CACNA1C: variants seen among roughly 807,000 people sequenced by gnomAD.
The protein encoded by CACNA1C is voltage-dependent L-type calcium channel subunit alpha-1C.
CACNA1C carries 30 observed loss-of-function variants against 229.0 expected under a neutral mutation model. The observed-to-expected ratio is 0.13, with a 90% CI of 0.10 to 0.18. CACNA1C has a LOEUF of 0.18. Among genes scored for constraint, CACNA1C ranks in the 10% least tolerant of loss-of-function variants. The pLI is 1.00. For synonymous variants in CACNA1C, 1,114 were observed against 1,132.5 expected (o/e 0.98, Z 0.33); for missense variants, 1,658 against 2,845.0 (o/e 0.58, Z 9.49).
chr12:2,043,642 CTTTTTTTT>C (rs67625680), intron 1 of CACNA1C, among the ~76,000 whole-genome samples: 1 of 91,382 alleles, frequency 1.1e-5, no homozygotes, highest in Non-Finnish European at 2.0e-5. Flanking sequence ...ACAGAATATT[CTTTTTTTT>C]TTTTTTTTTT....
chr12:2,393,333 C>A (rs1235508325), intron 3 of CACNA1C, among the ~76,000 whole-genome samples: 2 of 152,208 alleles, frequency 1.3e-5, no homozygotes, highest in East Asian at 3.9e-4. Flanking sequence ...TAGCTCTAGG[C>A]CTGGACCATG....
At chr12:2,160,940 G>C (rs2095824009) in intron 3 of CACNA1C, among the ~76,000 whole-genome samples, 2 of 152,216 alleles carry the variant, frequency 1.3e-5, no homozygotes, top group South Asian at 4.1e-4. Context: ...TCCTGCCTCA[G>C]CCTCCTGAGT....
intron 9 of CACNA1C, among the ~76,000 whole-genome samples, chr12:2,530,865 C>T (rs965048758): frequency 5.3e-5 from 8 of 152,210 alleles, no homozygotes; most frequent in Middle Eastern, 3.2e-3. Context: ...AGAGGGAACA[C>T]GGCTAACTGT....
At chr12:2,159,636 C>T (rs2095742133) in intron 3 of CACNA1C, among the ~76,000 whole-genome samples, 1 of 141,306 alleles carries the variant, frequency 7.1e-6, no homozygotes, top group Admixed American at 7.3e-5. Context: ...GGGAGTTTCG[C>T]TCTCATTGCC....
In CACNA1C at chr12:2,403,317, G is replaced by A. The variant is rs752852243; in HGVS notation, c.478-45659G>A. 2.6e-5 allele frequency among the ~76,000 whole-genome samples: 4 copies of A among 152,192 alleles called. No homozygotes were observed. Among genetic ancestry groups the A allele is most frequent in the Admixed American group, 6.5e-5 (1 of 15,268 alleles). On this transcript the variant is annotated intron_variant, in intron 3 of 46. Transcript: ENST00000399655. This position sits in a 1 kb window ranked among gnomAD's most constrained non-coding sequence, Gnocchi z 4.1. The stretch of plus-strand genomic sequence containing the variant: ...GCCACACAGCTGACTAGCTGCTTGT[G>A]TCATTGGACGAGTGACTTCCCCTCT...
chr12:2,256,210 C>G (rs1486596798), intron 3 of CACNA1C, among the ~76,000 whole-genome samples: 8 of 152,042 alleles, frequency 5.3e-5, no homozygotes, highest in Non-Finnish European at 1.0e-4. Flanking sequence ...AGGCTAAGCC[C>G]AGGAATCTAC....
chr12:2,565,391 C>CCGG (rs1465942149), intron 11 of CACNA1C, among the ~76,000 whole-genome samples: 3 of 151,054 alleles, frequency 2.0e-5, no homozygotes, highest in Non-Finnish European at 4.4e-5. Context: ...GGCGTGAACC[C>CCGG]GGGAAGCGGA....
At chr12:2,112,812 A>G (rs2082287827) in intron 1 of CACNA1C, among the ~76,000 whole-genome samples, 1 of 152,202 alleles carries the variant, frequency 6.6e-6, no homozygotes, top group Admixed American at 6.5e-5. Flanking sequence ...TCCCTTAAGT[A>G]TATAGCATTG....
chr12:2,375,380 G>T (rs1201533778), intron 3 of CACNA1C, among the ~76,000 whole-genome samples: 1 of 152,208 alleles, frequency 6.6e-6, no homozygotes, highest in African/African-American at 2.4e-5. Context: ...AGCAGAACAG[G>T]CCTGGCATGA....
chr12:2,197,257 T>C (rs1484607964), intron 3 of CACNA1C, among the ~76,000 whole-genome samples: 1 of 152,218 alleles, frequency 6.6e-6, no homozygotes, highest in Non-Finnish European at 1.5e-5. Flanking sequence ...TTTTCCCTGT[T>C]ACAGTGTGTA....
intron 3 of CACNA1C, among the ~76,000 whole-genome samples, chr12:2,265,394 C>T (rs1054474858): frequency 6.6e-6 from 1 of 152,214 alleles, no homozygotes; most frequent in Non-Finnish European, 1.5e-5. Flanking sequence ...GATGCTTCAT[C>T]CCAAGGCTAA....
At chr12:2,202,620 T>G (rs1489856807) in intron 3 of CACNA1C, among the ~76,000 whole-genome samples, 1 of 152,212 alleles carries the variant, frequency 6.6e-6, no homozygotes, top group Non-Finnish European at 1.5e-5. Context: ...GTGGTGCCTC[T>G]TCTGCCCCTT....
At chr12:2,420,102 G>GGTGT (rs564990323) in intron 3 of CACNA1C, among the ~76,000 whole-genome samples, 3,825 of 125,456 alleles carry the variant, frequency 0.03, 201 homozygotes, top group African/African-American at 0.09. Flanking sequence ...TAGGCAAAAT[G>GGTGT]GTGTGTGTGT....
At chr12:2,533,153 G>A (rs1187581281) in intron 9 of CACNA1C, among the ~76,000 whole-genome samples, 1 of 152,192 alleles carries the variant, frequency 6.6e-6, no homozygotes, top group Non-Finnish European at 1.5e-5. Flanking sequence ...TAATGAGAGT[G>A]ACAGAGGCAG....
Position 2,154,505 on chromosome 12 carries a change from C to T in CACNA1C, c.477+34075C>T, listed in dbSNP as rs561734986. ...GGAGCAATGAGGGAGACTCCTCACC[C>T]GGGGCCAGCAGTGGGTCAGGGAAGA... On this transcript the variant is annotated intron_variant, in intron 3 of 46. Transcript: ENST00000399655. Among the ~76,000 whole-genome samples, 59 of 152,286 alleles carry T rather than the reference C, an allele frequency of 3.9e-4. 1 individual carries two copies. The highest frequency in any genetic ancestry group is 1.4e-3 in the Admixed American group (22 of 15,306).
chr12:2,108,392 G>GATCACACC lies in CACNA1C; in HGVS notation c.50-6831_50-6824dup, dbSNP rs2080114449. Among the ~76,000 whole-genome samples the GATCACACC allele has an allele frequency of 6.6e-6, 1 of 152,224 alleles. No individual in the cohort carries two copies. The highest frequency in any genetic ancestry group is 6.5e-5 in the Admixed American group (1 of 15,288). On this transcript the variant is annotated intron_variant, in intron 1 of 46. Transcript: ENST00000399655. The surrounding 1 kb of genome is among the most constrained non-coding windows in gnomAD (Gnocchi z 5.3). ...CCACTGTGCCAAGGGCTGGCTCTGGGATCACACCGCCTTATGCATGATCCA... is the reference window on the plus strand; with the variant it reads ...CCACTGTGCCAAGGGCTGGCTCTGGGATCACACCATCACACCGCCTTATGCATGATCCA...
At chr12:2,307,891 G>A (rs993677602) in intron 3 of CACNA1C, among the ~76,000 whole-genome samples, 2 of 152,146 alleles carry the variant, frequency 1.3e-5, no homozygotes, top group African/African-American at 4.8e-5. Flanking sequence ...GAGCCACAGA[G>A]GCTACTCTTC....
intron 9 of CACNA1C, among the ~76,000 whole-genome samples, chr12:2,539,884 A>T (rs1272880369): frequency 6.6e-6 from 1 of 151,792 alleles, no homozygotes; most frequent in African/African-American, 2.4e-5. Context: ...ATAAAGATGC[A>T]GGCAGGGTTT....
chr12:1,970,926 G>A (rs1029741656), exon 1 of CACNA1C: 2 of 370,486 alleles, frequency 5.4e-6, no homozygotes, highest in South Asian at 2.4e-5. Context: ...GATACGATAC[G>A]GCCATGTCAA....
Sources: gnomAD v4.1 joint callset for allele counts (sites outside exome capture counted in the v4.1 genomes callset) on GRCh38, gnomAD v4.1.1 for gene constraint, Gnocchi (gnomAD v3.1) non-coding constraint, MANE v1.5 for transcripts, NCBI Gene and HGNC (gene_info 2026-07-23, HGNC 2026-07-21) for gene names.